Variants in SH2B2 observed in about 807,000 individuals in gnomAD.
SH2B2 encodes SH2B adapter protein 2.
Under a neutral mutation model 35.7 loss-of-function variants are expected in SH2B2, and 37 were observed. That is an observed-to-expected ratio of 1.04 (90% CI 0.80 to 1.36). The LOEUF (loss-of-function observed/expected upper bound fraction) is 1.36. Among genes scored for constraint, SH2B2 ranks in the 40% most tolerant of loss-of-function variants. SH2B2 has a pLI of 0.00. For synonymous variants in SH2B2, 383 were observed against 376.4 expected (o/e 1.02, Z -0.20); for missense variants, 852 against 817.7 (o/e 1.04, Z -0.51).
intron 1 of SH2B2, among the ~76,000 whole-genome samples, chr7:102,295,592 G>C (rs1792877656): frequency 6.6e-6 from 1 of 152,170 alleles, no homozygotes; most frequent in Non-Finnish European, 1.5e-5. Flanking sequence ...TGTCAGATGG[G>C]GAGACAGCCA....
upstream of SH2B2, among the ~76,000 whole-genome samples, chr7:102,285,581 G>A (rs1227635582): frequency 2.6e-5 from 4 of 152,230 alleles, no homozygotes; most frequent in Non-Finnish European, 4.4e-5. Context: ...TTGGGCAGCA[G>A]GTGAAGGCTC....
At chr7:102,316,325 C>T (rs1793826605) in intron 6 of SH2B2, among the ~76,000 whole-genome samples, 1 of 152,092 alleles carries the variant, frequency 6.6e-6, no homozygotes, top group Non-Finnish European at 1.5e-5. Context: ...CAGTGGCTCA[C>T]ACCTGTAATC....
intron 4 of SH2B2, among the ~76,000 whole-genome samples, chr7:102,310,496 C>T (rs1793578444): frequency 6.6e-6 from 1 of 151,942 alleles, no homozygotes; most frequent in Non-Finnish European, 1.5e-5. Flanking sequence ...TTACGGTCAG[C>T]TGTGAACAGG....
intron 1 of SH2B2, among the ~76,000 whole-genome samples, chr7:102,289,590 A>G (rs1447796339): frequency 6.6e-6 from 1 of 152,152 alleles, no homozygotes; most frequent in African/African-American, 2.4e-5. Context: ...AAGCTTTATT[A>G]GCACCTGTAG....
In SH2B2 at chr7:102,300,572, C is replaced by T. The variant is rs563693764; in HGVS notation, c.22C>T (p.Pro8Ser). ...AGCCATGAATGGTGCCGGCCCTGGC[C>T]CCGCCGCAGCCGCCCCGGTCCCAGT... MNGAGPG[P>S]AAAAPVPVPV... Residue 8 changes from proline (P) to serine (S), a missense_variant, in exon 2 of 9, where the codon CCC becomes TCC. Transcript: ENST00000444095. 13 of 1,548,378 alleles carry T rather than the reference C, an allele frequency of 8.4e-6. No individual in the cohort carries two copies. In the African/African-American group the frequency reaches 1.6e-4, roughly 20 times the overall value.
chr7:102,300,727 C>T lies in SH2B2; in HGVS notation c.177C>T (p.Ala59=). 1.3e-6 allele frequency: 2 copies of T among 1,529,312 alleles called. No homozygotes were observed. The highest frequency in any genetic ancestry group is 1.8e-6 in the Non-Finnish European group (2 of 1,134,182). The allele number at this position is 1,529,312 out of a possible 1,614,324, so 94.7% of individuals were successfully genotyped here. A position where few individuals can be genotyped will look rare whatever the true frequency, so the allele number is the denominator to read the frequency against. ...CTTACGACACGCCCGACGCCGGCGC[C>T]TCCTTCTCCCGCCACTTCGCCGCCA... ...NPAYDTPDAG[A]SFSRHFAANF... is the part of the protein sequence containing the mutation. Residue 59 remains alanine, a synonymous_variant, in exon 2 of 9, where the codon GCC becomes GCT. Transcript: ENST00000444095.
intron 2 of SH2B2, among the ~76,000 whole-genome samples, chr7:102,304,542 C>T (rs1554554511): frequency 6.6e-6 from 1 of 152,238 alleles, no homozygotes; most frequent in Non-Finnish European, 1.5e-5. Context: ...TGGAACAGCA[C>T]TTTTGGAGGT....
At chr7:102,302,960 G>A (rs1301624110) in intron 2 of SH2B2, among the ~76,000 whole-genome samples, 2 of 152,080 alleles carry the variant, frequency 1.3e-5, no homozygotes, top group Non-Finnish European at 2.9e-5. Context: ...GGGGCCGAGC[G>A]CGGTGGCTCA....
At chr7:102,290,481 T>C (rs1004314961) in intron 1 of SH2B2, among the ~76,000 whole-genome samples, 1 of 152,076 alleles carries the variant, frequency 6.6e-6, no homozygotes, top group Non-Finnish European at 1.5e-5. Context: ...GCCAGACTGG[T>C]CTCAAACTCC....
At chr7:102,305,412 C>G (rs4727520) in intron 2 of SH2B2, among the ~76,000 whole-genome samples, 1 of 151,920 alleles carries the variant, frequency 6.6e-6, no homozygotes, top group African/African-American at 2.4e-5. Flanking sequence ...ATTACAGGCA[C>G]GCACCACCAC....
In SH2B2 at chr7:102,300,564, G is replaced by A. The variant is rs891167993; in HGVS notation, c.14G>A (p.Gly5Asp). Reference protein sequence around the residue: MNGAGPGPAAAAPVP... With the variant: MNGADPGPAAAAPVP... ...GGGACGGAAGCCATGAATGGTGCCGGCCCTGGCCCCGCCGCAGCCGCCCCG... is the reference window on the plus strand; with the variant it reads ...GGGACGGAAGCCATGAATGGTGCCGACCCTGGCCCCGCCGCAGCCGCCCCG... Residue 5 changes from glycine to aspartate, a missense_variant, in exon 2 of 9, where the codon GGC becomes GAC. Gly to Asp is a moderately conservative substitution (Grantham distance 94, BLOSUM62 -1). Transcript: ENST00000444095. The A allele has an allele frequency of 1.7e-5, 26 of 1,546,176 alleles. No homozygotes were observed. The highest frequency in any genetic ancestry group is 2.0e-5 in the Non-Finnish European group (23 of 1,146,090).
At chr7:102,306,233 T>G (rs1474116637) in intron 2 of SH2B2, among the ~76,000 whole-genome samples, 2 of 152,154 alleles carry the variant, frequency 1.3e-5, no homozygotes, top group Non-Finnish European at 2.9e-5. Context: ...ACTACAGGCA[T>G]GCACCACCAC....
chr7:102,300,525 C>T lies in SH2B2; in HGVS notation c.-26C>T. On this transcript the variant is annotated 5_prime_UTR_variant, in exon 2 of 9. Transcript: ENST00000444095. ...TGCGCGCTCTTCTCGCCCGAAGCCG[C>T]AGGTGGCTGCGATGGGACGGAAGCC... 6.5e-7 allele frequency: 1 copy of T among 1,533,542 alleles called. No individual in the cohort carries two copies. The allele number at this position is 1,533,542 out of a possible 1,614,324, so 95.0% of individuals were successfully genotyped here. A position where few individuals can be genotyped will look rare whatever the true frequency, so the allele number is the denominator to read the frequency against.
Position 102,306,011 on chromosome 7 carries a change from C to T in SH2B2, c.730-710C>T, listed in dbSNP as rs141303969. The stretch of plus-strand genomic sequence containing the variant: ...CTCCCCTGATCAAGCGATCCTTCCA[C>T]CTTAGCCTCCCAAATAGCTGGAACT... On this transcript the variant is annotated intron_variant, in intron 2 of 8. Transcript: ENST00000444095. Among the ~76,000 whole-genome samples the T allele has an allele frequency of 3.4e-3, 519 of 151,414 alleles. 6 individuals are homozygous for T. The highest frequency in any genetic ancestry group is 0.012 in the African/African-American group (495 of 41,062).
At chr7:102,313,355 G>C (rs1321152603) in intron 4 of SH2B2, among the ~76,000 whole-genome samples, 1 of 151,926 alleles carries the variant, frequency 6.6e-6, no homozygotes, top group African/African-American at 2.4e-5. Flanking sequence ...GGCTGAGGCA[G>C]GGGAATCACT....
At chr7:102,303,837 G>C (rs142483079) in intron 2 of SH2B2, among the ~76,000 whole-genome samples, 9 of 152,156 alleles carry the variant, frequency 5.9e-5, no homozygotes. Context: ...TGCTGCCCTC[G>C]GAGAAGGGGA....
chr7:102,321,564 C>G lies in SH2B2; in HGVS notation c.1833C>G (p.Ala611=). 5.2e-6 allele frequency: 6 copies of G among 1,155,570 alleles called. No homozygotes were observed. Among genetic ancestry groups the G allele is most frequent in the Non-Finnish European group, 5.3e-6 (5 of 940,512 alleles). 71.6% of individuals were successfully genotyped at this position (1,155,570 alleles called of 1,614,324 possible). ...RLLEAVAATA[A]EEPPEAAPGR... ...TGGAGGCCGTGGCCGCCACCGCCGC[C>G]GAGGAGCCCCCGGAGGCCGCGCCCG... The change falls in exon 9 of 9, where the codon GCC becomes GCG. Residue 611 remains alanine, a synonymous_variant. Coordinates refer to ENST00000444095, the MANE Select transcript of SH2B2 (RefSeq NM_001359228.2).
At chr7:102,317,046 C>A in intron 6 of SH2B2, 141 bp from the exon 7 acceptor site, 1 of 739,994 alleles carries the variant, frequency 1.4e-6, no homozygotes, top group South Asian at 2.4e-5. Flanking sequence ...AAACTAAAAA[C>A]CAACCAACTT....
intron 8 of SH2B2, among the ~76,000 whole-genome samples, chr7:102,320,975 GTGCGCATA>G (rs1794038029): frequency 6.6e-6 from 1 of 152,174 alleles, no homozygotes; most frequent in Non-Finnish European, 1.5e-5. Flanking sequence ...GTGTGCGTGT[GTGCGCATA>G]TGCATGAGCG....
Sources: allele counts gnomAD v4.1 joint callset (sites outside exome capture counted in the v4.1 genomes callset), GRCh38; gene constraint gnomAD v4.1.1; transcripts MANE v1.5; gene names NCBI Gene and HGNC (gene_info 2026-07-23, HGNC 2026-07-21).